DOCK3: variants seen among roughly 807,000 people sequenced by gnomAD.
DOCK3 encodes dedicator of cytokinesis 3.
A neutral mutation model predicts 265.6 loss-of-function variants in DOCK3; 60 were observed. The observed-to-expected ratio is 0.23, with a 90% CI of 0.18 to 0.28. The LOEUF is 0.28. Among genes scored for constraint, DOCK3 ranks in the 10% least tolerant of loss-of-function variants. The probability of loss-of-function intolerance (pLI) is 1.00; values close to 1 mark genes in which losing one functional copy is unlikely to be tolerated. For missense variants in DOCK3, 1,981 were observed against 2,594.3 expected (o/e 0.76, Z 5.14); for synonymous variants, 881 against 938.0 (o/e 0.94, Z 1.11).
intron 41 of DOCK3, 66 bp downstream of exon 41, chr3:51,355,089 G>C: frequency 6.4e-7 from 1 of 1,559,712 alleles, no homozygotes; most frequent in Non-Finnish European, 8.7e-7. Flanking sequence ...CACCCAGTCA[G>C]CTGCCCCTTT....
intron 22 of DOCK3, among the ~76,000 whole-genome samples, chr3:51,253,074 G>A (rs923757955): frequency 6.6e-6 from 1 of 152,116 alleles, no homozygotes; most frequent in South Asian, 2.1e-4. Flanking sequence ...TAGCGTGAAG[G>A]GCTGTTGAAT....
intron 23 of DOCK3, among the ~76,000 whole-genome samples, chr3:51,262,484 A>G (rs1164563855): frequency 6.6e-6 from 1 of 152,152 alleles, no homozygotes; most frequent in East Asian, 1.9e-4. Flanking sequence ...AAGGCTGAAA[A>G]TTCCAAAAAA....
intron 12 of DOCK3, among the ~76,000 whole-genome samples, chr3:51,195,514 A>G (rs2088229141): frequency 6.6e-6 from 1 of 152,006 alleles, no homozygotes; most frequent in African/African-American, 2.4e-5. Context: ...TCCTGGGTTC[A>G]ACTGATTCTC....
At chr3:50,865,669 G>C (rs1397432872) in intron 3 of DOCK3, among the ~76,000 whole-genome samples, 1 of 152,152 alleles carries the variant, frequency 6.6e-6, no homozygotes, top group Non-Finnish European at 1.5e-5. Context: ...TATATAACCA[G>C]CAGTGGGATT....
At chr3:51,103,357 A>G (rs2083155945) in intron 9 of DOCK3, among the ~76,000 whole-genome samples, 1 of 152,236 alleles carries the variant, frequency 6.6e-6, no homozygotes, top group African/African-American at 2.4e-5. Context: ...GATAAATTCT[A>G]GCATCTCAAA....
At chr3:51,055,379 C>A (rs868103168) in intron 5 of DOCK3, among the ~76,000 whole-genome samples, 2 of 152,170 alleles carry the variant, frequency 1.3e-5, no homozygotes, top group South Asian at 4.1e-4. Context: ...TCCCACCCTC[C>A]TCACTTGTCT....
intron 3 of DOCK3, among the ~76,000 whole-genome samples, chr3:50,881,649 A>G (rs2048030145): frequency 6.6e-6 from 1 of 152,216 alleles, no homozygotes; most frequent in Admixed American, 6.5e-5. Context: ...TTCCATGCTC[A>G]TGGGTAGGAA....
chr3:51,252,539 G>C (rs1472748659), intron 22 of DOCK3, among the ~76,000 whole-genome samples: 4 of 152,072 alleles, frequency 2.6e-5, no homozygotes, highest in Non-Finnish European at 1.5e-5. Flanking sequence ...TTATTTTGTT[G>C]AGCAGTGGTT....
At chr3:50,820,103 G>A (rs1168275060) in intron 2 of DOCK3, among the ~76,000 whole-genome samples, 2 of 152,204 alleles carry the variant, frequency 1.3e-5, no homozygotes, top group Admixed American at 1.3e-4. Context: ...CCCTTGTTTA[G>A]CATATAATGA....
chr3:50,921,399 C>G (rs2050456939), intron 4 of DOCK3, among the ~76,000 whole-genome samples: 1 of 152,172 alleles, frequency 6.6e-6, no homozygotes, highest in Non-Finnish European at 1.5e-5. Context: ...TCAGCTCCAT[C>G]AGGTTATTTA....
At chr3:50,702,156 T>A (rs1451585181) in intron 1 of DOCK3, among the ~76,000 whole-genome samples, 1 of 152,152 alleles carries the variant, frequency 6.6e-6, no homozygotes, top group Non-Finnish European at 1.5e-5. Flanking sequence ...TTTCTTTGGG[T>A]AGTATGGTCA....
intron 20 of DOCK3, among the ~76,000 whole-genome samples, chr3:51,236,727 A>G: frequency 6.6e-6 from 1 of 152,158 alleles, no homozygotes; most frequent in East Asian, 1.9e-4. Flanking sequence ...AGAAACCCAG[A>G]GAGTAATACA....
intron 5 of DOCK3, among the ~76,000 whole-genome samples, chr3:51,006,833 C>T (rs886411197): frequency 2.0e-5 from 3 of 152,182 alleles, no homozygotes; most frequent in Admixed American, 6.5e-5. Context: ...TCCAGGCGTG[C>T]TCATTGTTCA....
intron 5 of DOCK3, among the ~76,000 whole-genome samples, chr3:50,971,622 G>A (rs2077235601): frequency 6.6e-6 from 1 of 152,318 alleles, no homozygotes; most frequent in East Asian, 1.9e-4. Context: ...AGTTCAACCT[G>A]TAGGCCAGTA....
intron 39 of DOCK3, among the ~76,000 whole-genome samples, chr3:51,349,964 A>T (rs369885174): frequency 2.4e-4 from 36 of 152,328 alleles, no homozygotes; most frequent in East Asian, 3.9e-4. Flanking sequence ...GTCCGTGTTA[A>T]AAGTGTGCCT....
chr3:50,941,297 G>A (rs1575581545), intron 5 of DOCK3, among the ~76,000 whole-genome samples: 1 of 152,102 alleles, frequency 6.6e-6, no homozygotes, highest in African/African-American at 2.4e-5. Context: ...TGGCTAGCCA[G>A]TAAGCACATG....
In DOCK3 at chr3:50,675,885, T is replaced by G. The variant is rs1204114357; in HGVS notation, c.37+585T>G. 1.6e-5 allele frequency among the ~76,000 whole-genome samples: 2 copies of G among 122,774 alleles called. No individual in the cohort carries two copies. The highest frequency in any genetic ancestry group is 2.5e-4 in the South Asian group (1 of 4,002). The allele number at this position is 122,774 out of a possible 152,430, so 80.5% of individuals were successfully genotyped here. A position where few individuals can be genotyped will look rare whatever the true frequency, so the allele number is the denominator to read the frequency against. Reference sequence around the variant, plus strand: ...TGGACATGTATCAATGTTTATACGGTTTTTTTTTTAAACCCTGTTTTCAGA... The same window carrying G: ...TGGACATGTATCAATGTTTATACGGGTTTTTTTTTAAACCCTGTTTTCAGA... On this transcript the variant is annotated intron_variant, in intron 1 of 52. Transcript: ENST00000266037. The surrounding 1 kb of genome is among the most constrained non-coding windows in gnomAD (Gnocchi z 6.1).
intron 5 of DOCK3, among the ~76,000 whole-genome samples, chr3:50,935,319 C>T (rs1209925561): frequency 6.6e-6 from 1 of 152,198 alleles, no homozygotes; most frequent in Non-Finnish European, 1.5e-5. Flanking sequence ...TACATACATC[C>T]TCCCCCTCCT....
chr3:51,198,333 C>T (rs2088453130), intron 12 of DOCK3, among the ~76,000 whole-genome samples: 2 of 152,290 alleles, frequency 1.3e-5, no homozygotes, highest in South Asian at 4.1e-4. Context: ...TTCTGGGATT[C>T]AGGGACAATT....
Sources: allele counts gnomAD v4.1 joint callset (sites outside exome capture counted in the v4.1 genomes callset), GRCh38; gene constraint gnomAD v4.1.1; non-coding constraint Gnocchi (gnomAD v3.1); transcripts MANE v1.5; gene names NCBI Gene and HGNC (gene_info 2026-07-23, HGNC 2026-07-21).